The following HEMK2 variants were observed in gnomAD, a reference collection of about 807,000 sequenced individuals.
The protein encoded by HEMK2 is HemK methyltransferase 2, ETF1 glutamine and histone H4 lysine.
At chr21:28,841,085 T>A in the HEMK2 span, among the ~76,000 whole-genome samples, 40 of 46,892 alleles carry the variant, frequency 8.5e-4, 1 homozygote, top group Non-Finnish European at 1.2e-3. Context: ...ATATTATATA[T>A]TATATATATT....
At chr21:28,765,801 G>A in the HEMK2 span, among the ~76,000 whole-genome samples, 1 of 152,016 alleles carries the variant, frequency 6.6e-6, no homozygotes, top group Non-Finnish European at 1.5e-5. Flanking sequence ...TGAGCTTCAG[G>A]AGAAATTTGA....
the HEMK2 span, among the ~76,000 whole-genome samples, chr21:28,595,018 GTTA>G: frequency 1.1e-4 from 17 of 152,118 alleles, no homozygotes; most frequent in Admixed American, 5.2e-4. Context: ...AGCTATAGCA[GTTA>G]TTATTTTTTC....
the HEMK2 span, among the ~76,000 whole-genome samples, chr21:28,651,100 T>C: frequency 7.2e-5 from 11 of 152,190 alleles, no homozygotes; most frequent in Non-Finnish European, 7.3e-5. Context: ...GGAAGATAGT[T>C]AGAGCTACAT....
the HEMK2 span, among the ~76,000 whole-genome samples, chr21:28,589,150 G>A: frequency 6.6e-6 from 1 of 152,090 alleles, no homozygotes; most frequent in East Asian, 1.9e-4. Context: ...TGGTTATCAG[G>A]CTGTTGAGGA....
the HEMK2 span, among the ~76,000 whole-genome samples, chr21:28,756,374 C>T: frequency 6.6e-6 from 1 of 152,142 alleles, no homozygotes; most frequent in Non-Finnish European, 1.5e-5. Context: ...CACCCTCTAG[C>T]CATTTACTGT....
At chr21:28,677,683 T>C in the HEMK2 span, among the ~76,000 whole-genome samples, 13 of 152,184 alleles carry the variant, frequency 8.5e-5, no homozygotes, top group African/African-American at 3.1e-4. Flanking sequence ...CGGCTGGGTA[T>C]TCCTCTGAGA....
At chr21:28,677,623 G>A in the HEMK2 span, among the ~76,000 whole-genome samples, 1 of 152,216 alleles carries the variant, frequency 6.6e-6, no homozygotes, top group Admixed American at 6.5e-5. Context: ...TGACCCCCGA[G>A]TAGCCTAACT....
At chr21:28,750,505 C>T in the HEMK2 span, among the ~76,000 whole-genome samples, 1 of 151,912 alleles carries the variant, frequency 6.6e-6, no homozygotes, top group South Asian at 2.1e-4. Context: ...TCGAGAACAG[C>T]CTGGCCAACA....
At chr21:28,575,600 G>A in the HEMK2 span, among the ~76,000 whole-genome samples, 1 of 152,092 alleles carries the variant, frequency 6.6e-6, no homozygotes. Flanking sequence ...AATCACTGTG[G>A]ATTTTTTTTG....
the HEMK2 span, among the ~76,000 whole-genome samples, chr21:28,689,717 C>T: frequency 2.0e-5 from 3 of 152,110 alleles, no homozygotes; most frequent in Non-Finnish European, 4.4e-5. Flanking sequence ...ATTAACTGAC[C>T]TTAAAATAGG....
the HEMK2 span, among the ~76,000 whole-genome samples, chr21:28,685,465 T>C: frequency 1.4e-4 from 22 of 152,216 alleles, no homozygotes; most frequent in Admixed American, 2.6e-4. Flanking sequence ...AGCTAAAGGC[T>C]GTGGTAAAGT....
chr21:28,731,238 A>G, the HEMK2 span, among the ~76,000 whole-genome samples: 83,632 of 151,996 alleles, frequency 0.55, 26,168 homozygotes, highest in African/African-American at 0.85. Flanking sequence ...ATATTATGAT[A>G]CTCAATTTAC....
At chr21:28,786,588 T>C in the HEMK2 span, among the ~76,000 whole-genome samples, 3 of 151,740 alleles carry the variant, frequency 2.0e-5, no homozygotes, top group African/African-American at 7.3e-5. Flanking sequence ...CAAGAATCAC[T>C]TAAACCCAGG....
At chr21:28,845,774 T>C in the HEMK2 span, among the ~76,000 whole-genome samples, 1 of 152,146 alleles carries the variant, frequency 6.6e-6, no homozygotes. Context: ...TTCATCTCCT[T>C]ACCAAATTCT....
chr21:28,800,573 G>GT, the HEMK2 span, among the ~76,000 whole-genome samples: 1 of 152,010 alleles, frequency 6.6e-6, no homozygotes, highest in Admixed American at 6.6e-5. Flanking sequence ...GTGTATAGAT[G>GT]TATCTGTGTG....
the HEMK2 span, among the ~76,000 whole-genome samples, chr21:28,831,737 A>AAGAG: frequency 7.0e-6 from 1 of 143,510 alleles, no homozygotes; most frequent in Non-Finnish European, 1.5e-5. Context: ...GAAGGAAGGA[A>AAGAG]AGAAAGAAAG....
chr21:28,834,198 C>T, the HEMK2 span, among the ~76,000 whole-genome samples: 2 of 152,142 alleles, frequency 1.3e-5, no homozygotes, highest in African/African-American at 4.8e-5. Context: ...GAGCAGTGTG[C>T]AAGGTCTTGC....
chr21:28,788,739 T>C, the HEMK2 span, among the ~76,000 whole-genome samples: 1 of 151,024 alleles, frequency 6.6e-6, no homozygotes, highest in African/African-American at 2.4e-5. Context: ...GCCACTGTCC[T>C]GGGTTGAACA....
the HEMK2 span, among the ~76,000 whole-genome samples, chr21:28,616,602 C>T: frequency 2.6e-5 from 4 of 152,124 alleles, no homozygotes; most frequent in Admixed American, 1.3e-4. Context: ...TGCTAGCCTA[C>T]GCCATTGTAG....
Sources: allele counts gnomAD v4.1 joint callset (sites outside exome capture counted in the v4.1 genomes callset), GRCh38; gene constraint gnomAD v4.1.1; transcripts MANE v1.5; gene names NCBI Gene and HGNC (gene_info 2026-07-23, HGNC 2026-07-21).